The following PPP2R2B variants were observed in gnomAD, a reference collection of about 807,000 sequenced individuals.
The protein encoded by PPP2R2B is protein phosphatase 2 regulatory subunit Bbeta, also known as serine/threonine-protein phosphatase 2A 55 kDa regulatory subunit B beta isoform.
A neutral mutation model predicts 46.0 loss-of-function variants in PPP2R2B; 5 were observed. The ratio of observed to expected loss-of-function variants is 0.11; its 90% CI spans 0.06 to 0.23. The LOEUF (loss-of-function observed/expected upper bound fraction) is 0.23. PPP2R2B is among the 10% of genes least tolerant of loss of function. The probability of loss-of-function intolerance (pLI) is 1.00; values close to 1 mark genes in which losing one functional copy is unlikely to be tolerated. For synonymous variants in PPP2R2B, 215 were observed against 206.7 expected (o/e 1.04, Z -0.34); for missense variants, 367 against 575.0 (o/e 0.64, Z 3.70).
chr5:147,056,047 TG>T (rs1328781995), upstream of PPP2R2B: 1 of 1,167,056 alleles, frequency 8.6e-7, no homozygotes, highest in African/African-American at 1.5e-5. Context: ...CAGTCCTGCC[TG>T]TAAACACACG....
At chr5:146,921,245 A>G (rs1582431202) in intron 1 of PPP2R2B, among the ~76,000 whole-genome samples, 1 of 152,236 alleles carries the variant, frequency 6.6e-6, no homozygotes, top group East Asian at 1.9e-4. Context: ...GTAATTACCA[A>G]AATCACAAAT....
chr5:147,038,251 T>C (rs1040673693), intron 1 of PPP2R2B, among the ~76,000 whole-genome samples: 9 of 152,158 alleles, frequency 5.9e-5, no homozygotes, highest in Non-Finnish European at 7.4e-5. Flanking sequence ...GCTTACATTC[T>C]TATAAGTTAA....
chr5:146,752,693 T>C (rs943099752), intron 2 of PPP2R2B, among the ~76,000 whole-genome samples: 18 of 152,172 alleles, frequency 1.2e-4, no homozygotes, highest in Non-Finnish European at 1.2e-4. Flanking sequence ...TTCAGAGCAA[T>C]CAGTTAATGG....
intron 2 of PPP2R2B, among the ~76,000 whole-genome samples, chr5:146,757,592 AGTT>A (rs1753914924): frequency 6.6e-6 from 1 of 152,110 alleles, no homozygotes; most frequent in Non-Finnish European, 1.5e-5. Flanking sequence ...TGGCCTCACT[AGTT>A]GCTATGTGTC....
chr5:146,927,147 A>T (rs1051032159), intron 1 of PPP2R2B, among the ~76,000 whole-genome samples: 1 of 152,142 alleles, frequency 6.6e-6, no homozygotes, highest in South Asian at 2.1e-4. Flanking sequence ...CATGATTTTT[A>T]AAAAATAAAC....
At chr5:147,042,435 T>C (rs1486698749) in intron 1 of PPP2R2B, among the ~76,000 whole-genome samples, 1 of 152,166 alleles carries the variant, frequency 6.6e-6, no homozygotes, top group Non-Finnish European at 1.5e-5. Flanking sequence ...GCCATAGGAC[T>C]ACCCAGATTT....
chr5:146,608,424 C>T lies in PPP2R2B; in HGVS notation c.791-7964G>A, dbSNP rs373264063. On this transcript the variant is annotated intron_variant, in intron 7 of 9. Coordinates refer to ENST00000394411, the MANE Select transcript of PPP2R2B (RefSeq NM_181675.4). ...GTCAGTTTTCCTTATCTTGTTAAGA[C>T]GCAACTTATCTTTAAAATGTAGACA... Among the ~76,000 whole-genome samples, 95 of 152,236 alleles carry T rather than the reference C, an allele frequency of 6.2e-4. No homozygotes were observed. In the South Asian group the frequency reaches 0.017, roughly 27 times the overall value.
chr5:146,603,167 G>A (rs1771943445), intron 7 of PPP2R2B, among the ~76,000 whole-genome samples: 1 of 152,142 alleles, frequency 6.6e-6, no homozygotes, highest in Non-Finnish European at 1.5e-5. Flanking sequence ...CTCAGTATAT[G>A]CCATCACTAT....
At chr5:146,631,408 G>A (rs181046580) in intron 7 of PPP2R2B, among the ~76,000 whole-genome samples, 1 of 152,206 alleles carries the variant, frequency 6.6e-6, no homozygotes, top group African/African-American at 2.4e-5. Context: ...TGCATTCATG[G>A]TGAGATTATC....
intron 2 of PPP2R2B, among the ~76,000 whole-genome samples, chr5:146,760,462 T>C (rs545363251): frequency 6.6e-6 from 1 of 152,296 alleles, no homozygotes; most frequent in South Asian, 2.1e-4. Context: ...ATGAACTCTC[T>C]GCTCTCCAGC....
chr5:146,624,588 G>C (rs1561782280), intron 7 of PPP2R2B, among the ~76,000 whole-genome samples: 1 of 152,112 alleles, frequency 6.6e-6, no homozygotes, highest in Non-Finnish European at 1.5e-5. Flanking sequence ...TCCTCCTGAG[G>C]CTTCATTCTT....
At chr5:147,052,466 T>C (rs1756872940) in intron 1 of PPP2R2B, among the ~76,000 whole-genome samples, 1 of 152,018 alleles carries the variant, frequency 6.6e-6, no homozygotes, top group Non-Finnish European at 1.5e-5. Flanking sequence ...TAATGACAAA[T>C]TAGGGTAAGT....
intron 1 of PPP2R2B, among the ~76,000 whole-genome samples, chr5:146,929,271 T>C (rs1582446118): frequency 1.3e-5 from 2 of 152,290 alleles, no homozygotes; most frequent in Middle Eastern, 6.8e-3. Context: ...CCTCCTTCTC[T>C]AGAACGTAAC....
At chr5:146,825,150 C>G (rs1758496828) in intron 2 of PPP2R2B, among the ~76,000 whole-genome samples, 1 of 152,150 alleles carries the variant, frequency 6.6e-6, no homozygotes. Context: ...GGTCAGTTCC[C>G]CTGGGTTTCA....
intron 7 of PPP2R2B, among the ~76,000 whole-genome samples, chr5:146,622,974 G>GAGAT (rs1253496876): frequency 6.6e-6 from 1 of 152,180 alleles, no homozygotes; most frequent in East Asian, 1.9e-4. Context: ...AGTGTATTCT[G>GAGAT]AGATACATAT....
At chr5:146,774,841 A>G (rs1223186889) in intron 2 of PPP2R2B, among the ~76,000 whole-genome samples, 6 of 151,822 alleles carry the variant, frequency 4.0e-5, no homozygotes, top group Non-Finnish European at 7.4e-5. Flanking sequence ...AAGAAAAGAG[A>G]GAGAATATTA....
At chr5:146,977,706 C>CA (rs1476802008) in intron 1 of PPP2R2B, among the ~76,000 whole-genome samples, 1 of 152,166 alleles carries the variant, frequency 6.6e-6, no homozygotes, top group Non-Finnish European at 1.5e-5. Context: ...GACATAAACT[C>CA]ATCCTTTTTT....
intron 7 of PPP2R2B, among the ~76,000 whole-genome samples, chr5:146,621,067 C>A (rs555039617): frequency 6.6e-6 from 1 of 152,370 alleles, no homozygotes; most frequent in South Asian, 2.1e-4. Context: ...CAGTTCACAG[C>A]TGAGTACGAC....
At chr5:146,773,117 A>G (rs1249086496) in intron 2 of PPP2R2B, among the ~76,000 whole-genome samples, 1 of 152,218 alleles carries the variant, frequency 6.6e-6, no homozygotes, top group Non-Finnish European at 1.5e-5. Flanking sequence ...TAATCCAGTA[A>G]TGCATTTACC....
Sources: gnomAD v4.1 joint callset for allele counts (sites outside exome capture counted in the v4.1 genomes callset) on GRCh38, gnomAD v4.1.1 for gene constraint, MANE v1.5 for transcripts, NCBI Gene and HGNC (gene_info 2026-07-23, HGNC 2026-07-21) for gene names.